ST6GAL2: variants seen among roughly 807,000 people sequenced by gnomAD.
The protein encoded by ST6GAL2 is beta-galactoside alpha-2,6-sialyltransferase 2.
A neutral mutation model predicts 37.5 loss-of-function variants in ST6GAL2; 24 were observed. The observed-to-expected ratio is 0.64, with a 90% confidence interval of 0.46 to 0.90. ST6GAL2 has a LOEUF of 0.90. Among genes scored for constraint, ST6GAL2 ranks in the 40% least tolerant of loss-of-function variants. The probability of loss-of-function intolerance (pLI) is 0.00; values close to 1 mark genes in which losing one functional copy is unlikely to be tolerated. For missense variants in ST6GAL2, 715 were observed against 712.7 expected (o/e 1.00, Z -0.04); for synonymous variants, 306 against 295.1 (o/e 1.04, Z -0.38).
chr2:106,837,712 A>G lies in ST6GAL2; in HGVS notation c.944-3566T>C, dbSNP rs576789911. On this transcript the variant is annotated intron_variant, in intron 2 of 5. Coordinates refer to ENST00000409382, the MANE Select transcript of ST6GAL2 (RefSeq NM_001142351.2). ...AGACACAGCCTACCCAAGGGCCTCA[A>G]GCGGTGGGTGCATTTCTATTATTTG... is the stretch of plus-strand genomic sequence containing the variant. 3.1e-4 allele frequency among the ~76,000 whole-genome samples: 47 copies of G among 152,338 alleles called. No homozygotes were observed. In the South Asian group the frequency reaches 9.7e-3, roughly 32 times the overall value.
intron 1 of ST6GAL2, among the ~76,000 whole-genome samples, chr2:106,844,816 G>C (rs1240018233): frequency 2.0e-5 from 3 of 152,100 alleles, no homozygotes; most frequent in Admixed American, 6.5e-5. Context: ...TCAGAGAAAG[G>C]GTAACAAAAG....
rs73949793 is a variant in ST6GAL2, at chr2:106,863,035, G to A, written c.-57-19001C>T. On this transcript the variant is annotated intron_variant, in intron 1 of 5. Coordinates refer to ENST00000409382, the MANE Select transcript of ST6GAL2 (RefSeq NM_001142351.2). Reference sequence around the variant, plus strand: ...AAGCTAAAGAACATGGTATTCCTGGGGATATTTTTCTCCCTTGGTGGTTTG... The same window carrying A: ...AAGCTAAAGAACATGGTATTCCTGGAGATATTTTTCTCCCTTGGTGGTTTG... Among the ~76,000 whole-genome samples, 823 of 151,866 alleles carry A rather than the reference G, an allele frequency of 5.4e-3. 10 individuals are homozygous for A. Among genetic ancestry groups the A allele is most frequent in the African/African-American group, 0.019 (787 of 41,374 alleles).
chr2:106,867,074 G>T (rs184835884), intron 1 of ST6GAL2, among the ~76,000 whole-genome samples: 12 of 152,240 alleles, frequency 7.9e-5, no homozygotes, highest in Non-Finnish European at 1.6e-4. Flanking sequence ...GGGAAAGGAG[G>T]GCAGGGAAGC....
chr2:106,836,077 C>T (rs186182165), intron 2 of ST6GAL2, among the ~76,000 whole-genome samples: 266 of 152,086 alleles, frequency 1.7e-3, no homozygotes, highest in African/African-American at 5.6e-3. Flanking sequence ...AAAGGTAAAA[C>T]GGAATTTTAA....
chr2:106,874,110 G>A (rs149739666), intron 1 of ST6GAL2, among the ~76,000 whole-genome samples: 1 of 152,306 alleles, frequency 6.6e-6, no homozygotes, highest in African/African-American at 2.4e-5. Context: ...GCTGGCACAC[G>A]GAGTTCTGGA....
intron 5 of ST6GAL2, chr2:106,822,921 C>T (rs576714519): frequency 2.6e-5 from 4 of 151,958 alleles, no homozygotes; most frequent in Non-Finnish European, 4.4e-5. Flanking sequence ...TGTAATTGTT[C>T]GCATGTTTTA....
In ST6GAL2 at chr2:106,819,806, A is replaced by G. The variant is rs1488210247; in HGVS notation, c.1318+10260T>C. 2.6e-5 allele frequency among the ~76,000 whole-genome samples: 4 copies of G among 152,166 alleles called. No homozygotes were observed. In the South Asian group the frequency reaches 8.3e-4, roughly 32 times the overall value. On this transcript the variant is annotated intron_variant, in intron 5 of 5. Coordinates refer to ENST00000409382, the MANE Select transcript of ST6GAL2 (RefSeq NM_001142351.2). The stretch of plus-strand genomic sequence containing the variant: ...ACAACTTTTCAAGATACAGACATTA[A>G]AAAAAGATATAAAGAGAAACAACAA...
In ST6GAL2 at chr2:106,806,945, G is replaced by T; in HGVS notation, c.1323C>A (p.Ile441=). The change falls in exon 6 of 6, where the codon ATC becomes ATA. Residue 441 remains isoleucine, a synonymous_variant. Coordinates refer to ENST00000409382, the MANE Select transcript of ST6GAL2 (RefSeq NM_001142351.2). Reference sequence around the variant, plus strand: ...CTCTGCACATGGACATCATTATGAGGATTCCTGACATGAAAACCAAAAATT... The same window carrying T: ...CTCTGCACATGGACATCATTATGAGTATTCCTGACATGAAAACCAAAAATT... ...PNPPSSGFIG[I]LIMMSMCREV... 1 of 1,606,190 alleles carries T rather than the reference G, an allele frequency of 6.2e-7. No homozygotes were observed. Among genetic ancestry groups the T allele is most frequent in the Non-Finnish European group, 8.5e-7 (1 of 1,173,926 alleles).
At chr2:106,857,739 C>T (rs1039375741) in intron 1 of ST6GAL2, among the ~76,000 whole-genome samples, 3 of 152,130 alleles carry the variant, frequency 2.0e-5, no homozygotes, top group Non-Finnish European at 4.4e-5. Context: ...GGGTTTTCAG[C>T]TCTGCCCTCT....
At chr2:106,836,573 TTA>T (rs929786086) in intron 2 of ST6GAL2, among the ~76,000 whole-genome samples, 4 of 150,466 alleles carry the variant, frequency 2.7e-5, no homozygotes, top group Non-Finnish European at 1.5e-5. Flanking sequence ...TATACATAAG[TTA>T]TATATATATA....
chr2:106,879,508 C>T (rs1238766604), intron 1 of ST6GAL2, among the ~76,000 whole-genome samples: 1 of 151,944 alleles, frequency 6.6e-6, no homozygotes, highest in Non-Finnish European at 1.5e-5. Context: ...TTAATTAGTT[C>T]AACTTTCCCA....
rs766315603 is a variant in ST6GAL2, at chr2:106,806,771, C to T, written c.1497G>A (p.Thr499=). The T allele has an allele frequency of 1.9e-5, 31 of 1,614,086 alleles. No homozygotes were observed. The highest frequency in any genetic ancestry group is 4.0e-5 in the African/African-American group (3 of 74,940). ...KLLVQRLNMG[T]QGDLHRKGKV... ...TGCCCTTGCGATGCAAATCCCCCTG[C>T]GTGCCCATGTTCAGGCGCTGCACCA... is the stretch of plus-strand genomic sequence containing the variant. Residue 499 remains threonine (T), a synonymous_variant, in exon 6 of 6, where the codon ACG becomes ACA. Coordinates refer to ENST00000409382, the MANE Select transcript of ST6GAL2 (RefSeq NM_001142351.2).
intron 1 of ST6GAL2, among the ~76,000 whole-genome samples, chr2:106,854,921 A>T (rs988421641): frequency 2.1e-5 from 3 of 140,354 alleles, no homozygotes; most frequent in East Asian, 2.7e-4. Context: ...ATTTTTTATT[A>T]TTTTTTCCAA....
chr2:106,804,269 G>T lies in ST6GAL2; in HGVS notation c.*2409C>A, dbSNP rs1286168439. 6.6e-6 allele frequency: 1 copy of T among 152,018 alleles called. No homozygotes were observed. Among genetic ancestry groups the T allele is most frequent in the Non-Finnish European group, 1.5e-5 (1 of 68,012 alleles). The allele number at this position is 152,018 out of a possible 1,614,324, so 9.4% of individuals were successfully genotyped here. On this transcript the variant is annotated 3_prime_UTR_variant, in exon 6 of 6. Coordinates refer to ENST00000409382, the MANE Select transcript of ST6GAL2 (RefSeq NM_001142351.2). Reference sequence around the variant, plus strand: ...GTTGGGTTCTGAGGCTTTTGAACTTGAATATTTACACTGACCCCAATAAAT... The same window carrying T: ...GTTGGGTTCTGAGGCTTTTGAACTTTAATATTTACACTGACCCCAATAAAT...
At chr2:106,884,426 T>C (rs934485821) in intron 1 of ST6GAL2, among the ~76,000 whole-genome samples, 3 of 152,164 alleles carry the variant, frequency 2.0e-5, no homozygotes, top group Admixed American at 1.3e-4. Context: ...GTGCACCACA[T>C]AGCAAACTCA....
At chr2:106,834,480 C>T (rs1371585421) in intron 2 of ST6GAL2, 3 of 225,090 alleles carry the variant, frequency 1.3e-5, no homozygotes, top group Non-Finnish European at 2.6e-5. Context: ...TCCAATACAT[C>T]TTGAGGGAGA....
Position 106,832,639 on chromosome 2 carries a change from T to C in ST6GAL2, c.1069A>G (p.Ile357Val), listed in dbSNP as rs2104475063. Residue 357 changes from isoleucine (I) to valine (V), a missense_variant, in exon 4 of 6, where the codon ATT becomes GTT. By Grantham distance (29) the Ile-to-Val change is conservative (BLOSUM62 3). Around this residue, in one of 3 missense-constraint regions of ST6GAL2, gnomAD observed 512 missense variants for 488.8 expected, o/e 1.05. Transcript: ENST00000409382. ...QILTNPSHHF[I>V]DSSLYKDVIL... Reference sequence around the variant, plus strand: ...ACGTCTTTATACAGTGAACTGTCAATGAAGTGATGGCTGGGGTTGGTCAGA... The same window carrying C: ...ACGTCTTTATACAGTGAACTGTCAACGAAGTGATGGCTGGGGTTGGTCAGA... The C allele has an allele frequency of 6.2e-7, 1 of 1,612,652 alleles. No homozygotes were observed. The highest frequency in any genetic ancestry group is 8.5e-7 in the Non-Finnish European group (1 of 1,178,784).
chr2:106,851,271 C>T (rs1336611608), intron 1 of ST6GAL2, among the ~76,000 whole-genome samples: 1 of 152,174 alleles, frequency 6.6e-6, no homozygotes, highest in South Asian at 2.1e-4. Context: ...TCAAAAGTGC[C>T]TCACTGCTGG....
chr2:106,885,209 T>G (rs1678929193), intron 1 of ST6GAL2, among the ~76,000 whole-genome samples: 1 of 151,812 alleles, frequency 6.6e-6, no homozygotes, highest in African/African-American at 2.4e-5. Flanking sequence ...AGGGTCAGCA[T>G]GCCCCTTTAT....
Sources: gnomAD v4.1 joint callset for allele counts (sites outside exome capture counted in the v4.1 genomes callset) on GRCh38, gnomAD v4.1.1 for gene constraint, gnomAD v4.1.1 regional missense constraint, MANE v1.5 for transcripts, NCBI Gene and HGNC (gene_info 2026-07-23, HGNC 2026-07-21) for gene names.